The following PLXNA4 variants were observed in gnomAD, a reference collection of about 807,000 sequenced individuals.
PLXNA4 encodes the protein plexin-A4.
PLXNA4 carries 44 observed loss-of-function variants against 191.8 expected under a neutral mutation model. The observed-to-expected ratio is 0.23, with a 90% confidence interval of 0.18 to 0.29. The LOEUF is 0.29. Ranked by LOEUF, PLXNA4 falls within the 10% of genes least tolerant of loss-of-function variation. The pLI, the probability that PLXNA4 is intolerant of heterozygous loss-of-function variation, is 1.00. For synonymous variants in PLXNA4, 1,082 were observed against 1,009.5 expected, an observed-to-expected ratio of 1.07 and a Z score of -1.36; for missense variants, 1,800 against 2,488.8, an observed-to-expected ratio of 0.72 and a Z score of 5.89.
chr7:132,142,862 C>G (rs1411558066), intron 29 of PLXNA4, among the ~76,000 whole-genome samples: 1 of 152,246 alleles, frequency 6.6e-6, no homozygotes, highest in Non-Finnish European at 1.5e-5. Context: ...AGGATAGGGA[C>G]TCTGGGAGTC....
intron 3 of PLXNA4, among the ~76,000 whole-genome samples, chr7:132,446,418 A>G (rs1795913911): frequency 6.6e-6 from 1 of 152,162 alleles, no homozygotes; most frequent in South Asian, 2.1e-4. Context: ...TAAAAGAGGA[A>G]TTGAAAGGGG....
intron 3 of PLXNA4, among the ~76,000 whole-genome samples, chr7:132,320,372 C>T (rs888249201): frequency 2.0e-5 from 3 of 152,164 alleles, no homozygotes; most frequent in Admixed American, 1.3e-4. Context: ...TCACATGGCC[C>T]GGGTCTCTCT....
chr7:132,349,016 C>T (rs2116790681), intron 3 of PLXNA4, among the ~76,000 whole-genome samples: 1 of 152,274 alleles, frequency 6.6e-6, no homozygotes, highest in South Asian at 2.1e-4. Flanking sequence ...TACGCCTCCC[C>T]ACCATGTGTA....
At chr7:132,251,216 A>C (rs1799238088) in intron 4 of PLXNA4, among the ~76,000 whole-genome samples, 1 of 152,122 alleles carries the variant, frequency 6.6e-6, no homozygotes, top group Non-Finnish European at 1.5e-5. Context: ...ACACACATAC[A>C]AGTCACCAAC....
intron 2 of PLXNA4, among the ~76,000 whole-genome samples, chr7:132,644,813 C>A (rs1803834356): frequency 6.6e-6 from 1 of 152,164 alleles, no homozygotes; most frequent in African/African-American, 2.4e-5. Flanking sequence ...TTTATTAGGA[C>A]CTTTGACAAA....
chr7:132,353,515 T>C (rs1483484734), intron 3 of PLXNA4, among the ~76,000 whole-genome samples: 1 of 152,152 alleles, frequency 6.6e-6, no homozygotes, highest in East Asian at 1.9e-4. Context: ...TTTCTTCCTA[T>C]ATTCACTAGG....
At chr7:132,554,116 G>C (rs777680095) in intron 1 of PLXNA4, among the ~76,000 whole-genome samples, 11 of 152,280 alleles carry the variant, frequency 7.2e-5, no homozygotes, top group Non-Finnish European at 1.3e-4. Context: ...ATAGATACAT[G>C]ACTATTTTCA....
intron 30 of PLXNA4, among the ~76,000 whole-genome samples, chr7:132,135,187 C>G (rs1795076880): frequency 6.6e-6 from 1 of 152,204 alleles, no homozygotes. Flanking sequence ...TCTTCACAGG[C>G]TTTATTTGTA....
At chr7:132,160,259 C>T (rs901158096) in intron 24 of PLXNA4, among the ~76,000 whole-genome samples, 2 of 152,150 alleles carry the variant, frequency 1.3e-5, no homozygotes, top group African/African-American at 4.8e-5. Flanking sequence ...TAAAAAGATG[C>T]CCTTTAAAGA....
intron 5 of PLXNA4, among the ~76,000 whole-genome samples, chr7:132,236,001 A>G (rs1584882560): frequency 1.3e-5 from 2 of 152,338 alleles, no homozygotes; most frequent in South Asian, 2.1e-4. Context: ...AGAGATGGGC[A>G]AGCCTGTGGG....
chr7:132,293,386 A>G (rs1800962660), intron 4 of PLXNA4, among the ~76,000 whole-genome samples: 1 of 152,210 alleles, frequency 6.6e-6, no homozygotes, highest in African/African-American at 2.4e-5. Context: ...ATGAGAGCCA[A>G]GCAAATATAA....
chr7:132,563,456 CCTT>C (rs1231848968), intron 1 of PLXNA4, among the ~76,000 whole-genome samples: 23 of 108,826 alleles, frequency 2.1e-4, no homozygotes, highest in African/African-American at 7.7e-4. Flanking sequence ...TCCTCCTCCT[CCTT>C]CTCCTCCTCC....
chr7:132,538,331 T>C (rs1799935375), intron 1 of PLXNA4, among the ~76,000 whole-genome samples: 1 of 152,188 alleles, frequency 6.6e-6, no homozygotes, highest in African/African-American at 2.4e-5. Flanking sequence ...CGGCAAGGTC[T>C]TAGGCAGAGG....
At chr7:132,465,406 C>CT (rs146386317) in intron 3 of PLXNA4, among the ~76,000 whole-genome samples, 2,120 of 152,320 alleles carry the variant, frequency 0.014, 49 homozygotes, top group African/African-American at 0.049. Flanking sequence ...AGAAAAGGTT[C>CT]TGTCTCTAAA....
intron 1 of PLXNA4, among the ~76,000 whole-genome samples, chr7:132,533,918 G>A (rs1799726067): frequency 6.7e-6 from 1 of 149,542 alleles, no homozygotes; most frequent in Non-Finnish European, 1.5e-5. Flanking sequence ...ACAGAATAAG[G>A]ATATTACTAT....
intron 2 of PLXNA4, among the ~76,000 whole-genome samples, chr7:132,507,118 G>A (rs781532737): frequency 7.2e-5 from 11 of 152,100 alleles, no homozygotes; most frequent in Non-Finnish European, 1.5e-4. Flanking sequence ...TTGCAGGCTT[G>A]GTGAGTACAA....
At chr7:132,170,167 T>C (rs1796242055) in intron 21 of PLXNA4, among the ~76,000 whole-genome samples, 2 of 152,060 alleles carry the variant, frequency 1.3e-5, no homozygotes, top group African/African-American at 4.8e-5. Flanking sequence ...ACCAGCAAAA[T>C]GAACATAATG....
At chr7:132,512,176 G>C (rs528423255) in intron 1 of PLXNA4, among the ~76,000 whole-genome samples, 1 of 152,312 alleles carries the variant, frequency 6.6e-6, no homozygotes, top group African/African-American at 2.4e-5. Context: ...TGCAGGTCGG[G>C]GCTCCGCCAC....
At chr7:132,276,172 A>C (rs1800270493) in intron 4 of PLXNA4, among the ~76,000 whole-genome samples, 1 of 152,202 alleles carries the variant, frequency 6.6e-6, no homozygotes, top group South Asian at 2.1e-4. Context: ...ACATAAATGC[A>C]TGAGCATAGC....
Sources: gnomAD v4.1 joint callset for allele counts (sites outside exome capture counted in the v4.1 genomes callset) on GRCh38, gnomAD v4.1.1 for gene constraint, MANE v1.5 for transcripts, NCBI Gene and HGNC (gene_info 2026-07-23, HGNC 2026-07-21) for gene names.